GPC1: variants seen among roughly 807,000 people sequenced by gnomAD.
The protein encoded by GPC1 is glypican 1.
A neutral mutation model predicts 51.5 loss-of-function variants in GPC1; 26 were observed. The observed-to-expected ratio is 0.50, with a 90% CI of 0.37 to 0.70. The LOEUF is 0.70. GPC1 is among the 30% of genes least tolerant of loss of function. The probability of loss-of-function intolerance (pLI) is 0.00; values close to 1 mark genes in which losing one functional copy is unlikely to be tolerated. For synonymous variants in GPC1, 380 were observed against 348.3 expected (o/e 1.09, Z -1.01); for missense variants, 775 against 800.5 (o/e 0.97, Z 0.38).
Position 240,448,214 on chromosome 2 carries a change from C to T in GPC1, c.167-10816C>T, listed in dbSNP as rs889706907. ...GGCCCCGGGTCTGGACAGCTGCCCT[C>T]ATAGGGGCCTCTCCCTTCCCCTACG... On this transcript the variant is annotated intron_variant, in intron 1 of 8. Transcript: ENST00000264039. This position sits in a 1 kb window ranked among gnomAD's most constrained non-coding sequence, Gnocchi z 4.5. Among the ~76,000 whole-genome samples, 3 of 152,150 alleles carry T rather than the reference C, an allele frequency of 2.0e-5. No homozygotes were observed. Among genetic ancestry groups the T allele is most frequent in the Non-Finnish European group, 4.4e-5 (3 of 68,018 alleles).
chr2:240,451,246 C>T, intron 1 of GPC1: 1 of 471,122 alleles, frequency 2.1e-6, no homozygotes, highest in Non-Finnish European at 4.4e-6. Context: ...GGTTGGCATT[C>T]ACGGGGCAGA....
chr2:240,451,479 A>G, intron 1 of GPC1: 1 of 336,716 alleles, frequency 3.0e-6, no homozygotes, highest in South Asian at 2.2e-5. Flanking sequence ...GCCTGCCTGA[A>G]TTTCCACCCT....
chr2:240,455,382 G>A (rs1347573017), intron 1 of GPC1, among the ~76,000 whole-genome samples: 8 of 152,162 alleles, frequency 5.3e-5, no homozygotes, highest in South Asian at 2.1e-4. Flanking sequence ...CTGGCCCAGC[G>A]GGGAGCAGGC....
intron 1 of GPC1, among the ~76,000 whole-genome samples, chr2:240,453,959 G>A (rs1281062093): frequency 6.6e-6 from 1 of 152,178 alleles, no homozygotes; most frequent in Non-Finnish European, 1.5e-5. Context: ...CCGGGGCAGA[G>A]GTGTCCCTAC....
At chr2:240,461,822 C>G (rs1360960296) in intron 2 of GPC1, among the ~76,000 whole-genome samples, 1 of 152,072 alleles carries the variant, frequency 6.6e-6, no homozygotes, top group Non-Finnish European at 1.5e-5. Context: ...CCCTGCCCCT[C>G]TTACCCCAGT....
chr2:240,448,467 C>T lies in GPC1; in HGVS notation c.167-10563C>T, dbSNP rs536663809. ...CCCTGCCAGGAAGTCTGGGTGTAGACGGGGTGGAGTCAGGACTCCAGGTGC... is the reference window on the plus strand; with the variant it reads ...CCCTGCCAGGAAGTCTGGGTGTAGATGGGGTGGAGTCAGGACTCCAGGTGC... On this transcript the variant is annotated intron_variant, in intron 1 of 8. Transcript: ENST00000264039. The surrounding 1 kb of genome is among the most constrained non-coding windows in gnomAD (Gnocchi z 4.5). Among the ~76,000 whole-genome samples the T allele has an allele frequency of 4.0e-5, 6 of 151,122 alleles. No homozygotes were observed. In the South Asian group the frequency reaches 8.4e-4, roughly 21 times the overall value.
At chr2:240,458,708 A>G (rs2074191468) in intron 1 of GPC1, 2 of 313,170 alleles carry the variant, frequency 6.4e-6, no homozygotes, top group Non-Finnish European at 1.2e-5. Flanking sequence ...ACACTTGCAC[A>G]CAGGAACCTG....
chr2:240,453,725 AGACCC>A (rs1368891902), intron 1 of GPC1, among the ~76,000 whole-genome samples: 1 of 148,822 alleles, frequency 6.7e-6, no homozygotes, highest in Non-Finnish European at 1.5e-5. Flanking sequence ...CTGCGTGTCC[AGACCC>A]CTGCGCACCC....
intron 4 of GPC1, 111 bp downstream of exon 4, chr2:240,463,623 A>AG (rs2151796778): frequency 1.1e-6 from 1 of 903,806 alleles, no homozygotes; most frequent in East Asian, 2.6e-5. Flanking sequence ...GGACCTGATC[A>AG]GGGATGCCCT....
chr2:240,436,328 C>T (rs1369250717), intron 1 of GPC1, among the ~76,000 whole-genome samples: 1 of 152,104 alleles, frequency 6.6e-6, no homozygotes, highest in Non-Finnish European at 1.5e-5. Flanking sequence ...TCCGCCCCTC[C>T]CCGCCCCCCG....
rs759583982 is a variant in GPC1, at chr2:240,462,315, G to A, written c.450G>A (p.Leu150=). 7.5e-6 allele frequency: 12 copies of A among 1,606,900 alleles called. No individual in the cohort carries two copies. The highest frequency in any genetic ancestry group is 1.7e-4 in the Middle Eastern group (1 of 5,950). ...GGGACCTGTACTCAGAGCTGCGCCT[G>A]TACTACCGCGGTGCCAACCTGCACC... The part of the protein sequence containing the change: ...AFRDLYSELR[L]YYRGANLHLE... Residue 150 remains leucine (L), a synonymous_variant, in exon 3 of 9, where the codon CTG becomes CTA. Transcript: ENST00000264039.
At chr2:240,463,765 C>T in intron 4 of GPC1, 2 of 540,050 alleles carry the variant, frequency 3.7e-6, no homozygotes, top group Non-Finnish European at 6.6e-6. Context: ...TTGTCCTTCC[C>T]CACTTAGCAA....
chr2:240,462,946 C>T (rs567063938), intron 3 of GPC1, among the ~76,000 whole-genome samples: 198 of 152,254 alleles, frequency 1.3e-3, no homozygotes, highest in African/African-American at 3.9e-3. Context: ...AGGGTGGGGC[C>T]CCAGAGCCTC....
intron 1 of GPC1, among the ~76,000 whole-genome samples, chr2:240,446,487 G>C (rs1406463976): frequency 2.6e-5 from 4 of 152,202 alleles, no homozygotes; most frequent in Non-Finnish European, 5.9e-5. Flanking sequence ...TGACATGCAG[G>C]AATCTAGGCA....
chr2:240,464,417 G>A (rs536911348), intron 4 of GPC1, 199 bp from the exon 5 acceptor site: 28 of 618,146 alleles, frequency 4.5e-5, no homozygotes, highest in Middle Eastern at 3.8e-4. Flanking sequence ...AGGTGCACAC[G>A]TGGGTGTGGG....
At chr2:240,445,461 A>G (rs1375402228) in intron 1 of GPC1, among the ~76,000 whole-genome samples, 1 of 152,150 alleles carries the variant, frequency 6.6e-6, no homozygotes, top group Non-Finnish European at 1.5e-5. Flanking sequence ...CCCAAGAGAA[A>G]TACTTGAACT....
intron 1 of GPC1, among the ~76,000 whole-genome samples, chr2:240,436,355 C>T (rs926217928): frequency 1.3e-5 from 2 of 152,132 alleles, no homozygotes; most frequent in Non-Finnish European, 2.9e-5. Context: ...GGCTTCTTCC[C>T]TGCGGAGCTG....
intron 1 of GPC1, among the ~76,000 whole-genome samples, chr2:240,444,593 T>C (rs11676749): frequency 2.6e-5 from 4 of 151,760 alleles, no homozygotes; most frequent in African/African-American, 7.3e-5. Context: ...GGGTGCGCCA[T>C]CAGCAGTGGG....
At chr2:240,463,641 G>A in intron 4 of GPC1, 129 bp downstream of exon 4, 4 of 751,130 alleles carry the variant, frequency 5.3e-6, no homozygotes, top group South Asian at 1.8e-5. Context: ...CCTGACCCGG[G>A]CCAGATCTGG....
Sources: allele counts gnomAD v4.1 joint callset (sites outside exome capture counted in the v4.1 genomes callset), GRCh38; gene constraint gnomAD v4.1.1; non-coding constraint Gnocchi (gnomAD v3.1); transcripts MANE v1.5; gene names NCBI Gene and HGNC (gene_info 2026-07-23, HGNC 2026-07-21).